Variants in RSRC1 observed in about 807,000 individuals in gnomAD.
RSRC1 encodes serine/Arginine-related protein 53.
Under a neutral mutation model 49.1 loss-of-function variants are expected in RSRC1, and 39 were observed. The ratio of observed to expected loss-of-function variants is 0.79; its 90% CI spans 0.61 to 1.04. The LOEUF (loss-of-function observed/expected upper bound fraction) is 1.04, where lower values mean the gene tolerates loss of function less well. RSRC1 is among the 50% of genes least tolerant of loss of function. The pLI, the probability that RSRC1 is intolerant of heterozygous loss-of-function variation, is 0.00. For missense variants in RSRC1, 388 were observed against 402.4 expected, an observed-to-expected ratio of 0.96 and a Z score of 0.31; for synonymous variants, 143 against 130.8, an observed-to-expected ratio of 1.09 and a Z score of -0.63.
At chr3:158,125,271 T>A (rs1281788123) in intron 3 of RSRC1, among the ~76,000 whole-genome samples, 1 of 152,056 alleles carries the variant, frequency 6.6e-6, no homozygotes, top group Non-Finnish European at 1.5e-5. Context: ...TTGGATAATT[T>A]TTGGTTTAAT....
At chr3:158,436,268 G>T (rs1736036813) in intron 6 of RSRC1, among the ~76,000 whole-genome samples, 1 of 151,872 alleles carries the variant, frequency 6.6e-6, no homozygotes, top group Admixed American at 6.6e-5. Flanking sequence ...CCTAAGAGGA[G>T]GAATTAATGT....
At chr3:158,156,531 G>A (rs1488218923) in intron 3 of RSRC1, among the ~76,000 whole-genome samples, 1 of 152,072 alleles carries the variant, frequency 6.6e-6, no homozygotes, top group Admixed American at 6.6e-5. Context: ...GGTCTTTTTT[G>A]GCTTTTGATA....
At chr3:158,223,157 C>T (rs138474846) in intron 4 of RSRC1, among the ~76,000 whole-genome samples, 57 of 151,630 alleles carry the variant, frequency 3.8e-4, no homozygotes, top group African/African-American at 1.3e-3. Context: ...CTTTGATCTT[C>T]CTCGTATGCC....
At chr3:158,292,756 T>C (rs1047956351) in intron 4 of RSRC1, among the ~76,000 whole-genome samples, 1 of 152,204 alleles carries the variant, frequency 6.6e-6, no homozygotes, top group African/African-American at 2.4e-5. Flanking sequence ...TTAAATATCC[T>C]CCATCATAAT....
chr3:158,437,631 C>T (rs1034893873), intron 6 of RSRC1, among the ~76,000 whole-genome samples: 1 of 152,128 alleles, frequency 6.6e-6, no homozygotes, highest in African/African-American at 2.4e-5. Context: ...GCTAAACACT[C>T]TCAGTACACT....
intron 3 of RSRC1, among the ~76,000 whole-genome samples, chr3:158,168,979 G>C (rs1463951640): frequency 6.6e-6 from 1 of 152,002 alleles, no homozygotes; most frequent in Non-Finnish European, 1.5e-5. Context: ...AGATCGGATG[G>C]GAGGTTGAAC....
intron 6 of RSRC1, among the ~76,000 whole-genome samples, chr3:158,375,217 A>T (rs1224070547): frequency 6.7e-6 from 1 of 149,922 alleles, no homozygotes; most frequent in East Asian, 2.0e-4. Context: ...TTTTTTTGAG[A>T]CAGGGTCTCA....
At chr3:158,373,180 T>C (rs1242555594) in intron 6 of RSRC1, among the ~76,000 whole-genome samples, 3 of 151,880 alleles carry the variant, frequency 2.0e-5, no homozygotes, top group Non-Finnish European at 4.4e-5. Flanking sequence ...TGATGTCATA[T>C]GCAAATAGAG....
intron 5 of RSRC1, among the ~76,000 whole-genome samples, chr3:158,330,509 A>G (rs1013169065): frequency 1.3e-5 from 2 of 152,152 alleles, no homozygotes; most frequent in African/African-American, 4.8e-5. Context: ...ATGGTAGGCA[A>G]TTTTGGACAC....
intron 7 of RSRC1, among the ~76,000 whole-genome samples, chr3:158,498,211 T>G (rs565049286): frequency 1.3e-5 from 2 of 151,566 alleles, no homozygotes; most frequent in East Asian, 3.9e-4. Flanking sequence ...TGTTCCCTGA[T>G]CATCGCATCC....
intron 6 of RSRC1, among the ~76,000 whole-genome samples, chr3:158,391,147 C>T (rs1270455125): frequency 6.6e-6 from 1 of 152,096 alleles, no homozygotes; most frequent in Non-Finnish European, 1.5e-5. Flanking sequence ...TCTTCTAGAA[C>T]TATTCTTTAT....
chr3:158,229,407 C>G (rs1232237283), intron 4 of RSRC1, among the ~76,000 whole-genome samples: 1 of 145,166 alleles, frequency 6.9e-6, no homozygotes, highest in African/African-American at 2.5e-5. Flanking sequence ...CACATACACA[C>G]GTATATGTGT....
At chr3:158,390,762 C>T (rs1410538076) in intron 6 of RSRC1, among the ~76,000 whole-genome samples, 2 of 152,064 alleles carry the variant, frequency 1.3e-5, no homozygotes, top group Admixed American at 1.3e-4. Context: ...TAATATATTA[C>T]AGTATTTATG....
In RSRC1 at chr3:158,378,848, C is replaced by T. The variant is rs1732530009; in HGVS notation, c.583+23940C>T. ...TACCCTTAGGTCAAAACCTCAAAAG[C>T]AGTGAGGTACCACCATGCCTGCCCT... On this transcript the variant is annotated intron_variant, in intron 6 of 9. Transcript: ENST00000611884. Among the ~76,000 whole-genome samples, 4 of 152,202 alleles carry T rather than the reference C, an allele frequency of 2.6e-5. No homozygotes were observed. In the South Asian group the frequency reaches 8.3e-4, roughly 32 times the overall value.
intron 4 of RSRC1, among the ~76,000 whole-genome samples, chr3:158,257,658 ATACT>A (rs1435388575): frequency 6.6e-6 from 1 of 152,074 alleles, no homozygotes; most frequent in Non-Finnish European, 1.5e-5. Flanking sequence ...TGATAAATAG[ATACT>A]TACTCTGGCC....
chr3:158,429,787 G>T (rs1043962777), intron 6 of RSRC1, among the ~76,000 whole-genome samples: 1 of 151,202 alleles, frequency 6.6e-6, no homozygotes, highest in South Asian at 2.1e-4. Flanking sequence ...ACAGAAAGAC[G>T]AACACTGCAT....
At chr3:158,490,000 T>C (rs765129546) in intron 7 of RSRC1, among the ~76,000 whole-genome samples, 3 of 152,224 alleles carry the variant, frequency 2.0e-5, no homozygotes, top group Non-Finnish European at 2.9e-5. Context: ...TGAATAAGTA[T>C]AACTGAACTG....
intron 6 of RSRC1, among the ~76,000 whole-genome samples, chr3:158,442,864 G>A (rs556928154): frequency 1.9e-4 from 29 of 152,192 alleles, no homozygotes; most frequent in Middle Eastern, 3.4e-3. Context: ...TCTGTGGGCT[G>A]CAAAATGAAT....
At chr3:158,532,019 A>G (rs993994504) in intron 7 of RSRC1, among the ~76,000 whole-genome samples, 10 of 151,864 alleles carry the variant, frequency 6.6e-5, no homozygotes, top group African/African-American at 2.4e-4. Flanking sequence ...GTAACATAAG[A>G]AGGAATTTTT....
Sources: gnomAD v4.1 joint callset for allele counts (sites outside exome capture counted in the v4.1 genomes callset) on GRCh38, gnomAD v4.1.1 for gene constraint, MANE v1.5 for transcripts, NCBI Gene and HGNC (gene_info 2026-07-23, HGNC 2026-07-21) for gene names.